The following CELSR1 variants were observed in gnomAD, a reference collection of about 807,000 sequenced individuals.
CELSR1 encodes the protein cadherin EGF LAG seven-pass G-type receptor 1, also known as adhesion G protein-coupled receptor C1.
Under a neutral mutation model 249.1 loss-of-function variants are expected in CELSR1, and 110 were observed. The observed-to-expected ratio is 0.44, with a 90% confidence interval of 0.38 to 0.52. The LOEUF is 0.52. CELSR1 is among the 20% of genes least tolerant of loss of function. The pLI, the probability that CELSR1 is intolerant of heterozygous loss-of-function variation, is 0.00. For missense variants in CELSR1, 4,109 were observed against 4,296.4 expected, an observed-to-expected ratio of 0.96 and a Z score of 1.22; for synonymous variants, 2,113 against 1,900.0, an observed-to-expected ratio of 1.11 and a Z score of -2.92.
Position 46,485,608 on chromosome 22 carries a change from T to C in CELSR1, c.3545-21263A>G, listed in dbSNP as rs1376090923. ...ATCTGGCTGGCTGAGCATCTCCAAA[T>C]TGCCGAGGAGCAAAAGCTCATCTCC... On this transcript the variant is annotated intron_variant, in intron 1 of 34. Coordinates refer to ENST00000674500, the MANE Select transcript of CELSR1 (RefSeq NM_001378328.1). Among the ~76,000 whole-genome samples the C allele has an allele frequency of 2.0e-5, 3 of 152,298 alleles. No homozygotes were observed. The East Asian group carries it at 5.8e-4, about 29-fold the overall frequency.
chr22:46,462,054 C>A (rs974436438), intron 2 of CELSR1, among the ~76,000 whole-genome samples: 1 of 152,254 alleles, frequency 6.6e-6, no homozygotes, highest in African/African-American at 2.4e-5. Flanking sequence ...CGTCCCCACC[C>A]CCAAACCCAA....
chr22:46,507,399 G>A (rs541689124), intron 1 of CELSR1, among the ~76,000 whole-genome samples: 1 of 152,030 alleles, frequency 6.6e-6, no homozygotes, highest in Non-Finnish European at 1.5e-5. Flanking sequence ...TTCAGCAGCC[G>A]AGGCAGGGGG....
intron 1 of CELSR1, among the ~76,000 whole-genome samples, chr22:46,475,405 G>A (rs867787687): frequency 1.3e-5 from 2 of 152,156 alleles, no homozygotes; most frequent in Non-Finnish European, 2.9e-5. Context: ...GCTTACGAGA[G>A]GTCCCGAGAA....
At position 46,429,700 on chromosome 22, in the gene CELSR1, G is replaced by A. The variant is rs1287738949; in HGVS notation, c.4611+3693C>T. ...TTGGCCAGTGGGGAGCCAGACGGGA[G>A]GATAGAGTGAGGGAGGGGAGGGGTG... On this transcript the variant is annotated intron_variant, in intron 5 of 34. Transcript: ENST00000674500. The surrounding 1 kb of genome is among the most constrained non-coding windows in gnomAD (Gnocchi z 4.1). Among the ~76,000 whole-genome samples the A allele has an allele frequency of 1.3e-5, 2 of 152,378 alleles. No homozygotes were observed. The highest frequency in any genetic ancestry group is 2.9e-5 in the Non-Finnish European group (2 of 68,036).
At chr22:46,525,672 T>C (rs542109903) in intron 1 of CELSR1, among the ~76,000 whole-genome samples, 1 of 152,332 alleles carries the variant, frequency 6.6e-6, no homozygotes, top group African/African-American at 2.4e-5. Context: ...TAATTCTGTT[T>C]GAATCCAAGT....
intron 1 of CELSR1, among the ~76,000 whole-genome samples, chr22:46,492,502 C>CTT (rs2080377030): frequency 6.6e-6 from 1 of 151,882 alleles, no homozygotes; most frequent in Non-Finnish European, 1.5e-5. Flanking sequence ...GTTATTCCCA[C>CTT]CTGGATATAT....
intron 2 of CELSR1, among the ~76,000 whole-genome samples, chr22:46,444,611 T>C (rs1337362544): frequency 6.6e-6 from 1 of 152,278 alleles, no homozygotes; most frequent in Non-Finnish European, 1.5e-5. Flanking sequence ...TTGTATTTGC[T>C]TTGCTTTTTG....
intron 27 of CELSR1, among the ~76,000 whole-genome samples, chr22:46,368,967 TCCTCCAGCC>T (rs2078819014): frequency 3.4e-5 from 5 of 147,364 alleles, no homozygotes; most frequent in African/African-American, 1.0e-4. Context: ...TCAGCTAACC[TCCTCCAGCC>T]CCCTCCCCTC....
intron 25 of CELSR1, among the ~76,000 whole-genome samples, chr22:46,371,100 C>T (rs2078846539): frequency 6.6e-6 from 1 of 152,222 alleles, no homozygotes; most frequent in Non-Finnish European, 1.5e-5. Context: ...CTCCCTGTCA[C>T]ATCAGGAAGT....
At position 46,381,935 on chromosome 22, in the gene CELSR1, A is replaced by G. The variant is rs1199565788; in HGVS notation, c.6999T>C (p.Ala2333=). 1.3e-6 allele frequency: 2 copies of G among 1,568,900 alleles called. No individual in the cohort carries two copies. Among genetic ancestry groups the G allele is most frequent in the African/African-American group, 2.7e-5 (2 of 73,872 alleles). The change falls in exon 21 of 35, where the codon GCT becomes GCC. Residue 2333 remains alanine (A), a synonymous_variant. Transcript: ENST00000674500. This position sits in a 1 kb window ranked among gnomAD's most constrained non-coding sequence, Gnocchi z 6.0. ...ISRRRRHPDD[A]GQFAVALVII... is the part of the protein sequence containing the mutation. ...TGACCAGAGCGACGGCGAACTGGCC[A>G]GCGTCATCAGGGTGTCGCCTCCGCC...
At chr22:46,443,606 C>T (rs1443638869) in intron 2 of CELSR1, among the ~76,000 whole-genome samples, 1 of 152,256 alleles carries the variant, frequency 6.6e-6, no homozygotes, top group African/African-American at 2.4e-5. Context: ...TAACCTTCCA[C>T]ATGTATTCAC....
intron 24 of CELSR1, 148 bp downstream of exon 24, chr22:46,376,913 A>G: frequency 1.3e-6 from 1 of 780,494 alleles, no homozygotes; most frequent in East Asian, 2.7e-5. Flanking sequence ...GCCTGTGACC[A>G]GGCACGTTCC....
Position 46,518,925 on chromosome 22 carries a change from C to T in CELSR1, c.3544+14702G>A, listed in dbSNP as rs1441139904. ...GCGCATGCCTGTAATCCCAGCTACT[C>T]GGGAGGCAGAGGCAGGAGAATCGCT... On this transcript the variant is annotated intron_variant, in intron 1 of 34. Coordinates refer to ENST00000674500, the MANE Select transcript of CELSR1 (RefSeq NM_001378328.1). This position sits in a 1 kb window ranked among gnomAD's most constrained non-coding sequence, Gnocchi z 5.2. 2.0e-5 allele frequency among the ~76,000 whole-genome samples: 3 copies of T among 151,924 alleles called. No homozygotes were observed. The highest frequency in any genetic ancestry group is 4.4e-5 in the Non-Finnish European group (3 of 67,978).
chr22:46,456,661 TAAAAAAA>T (rs556357746), intron 2 of CELSR1, among the ~76,000 whole-genome samples: 11 of 60,282 alleles, frequency 1.8e-4, no homozygotes, highest in Admixed American at 6.6e-4. Flanking sequence ...AGACTCTGTC[TAAAAAAA>T]AAAAAAAAAA....
rs535376260 is a variant in CELSR1 at position 46,367,077 on chromosome 22, C to T, written c.8121G>A (p.Glu2707=). The change falls in exon 29 of 35, where the codon GAG becomes GAA. Residue 2707 remains glutamate (E), a synonymous_variant. Transcript: ENST00000674500. ...VLLFHCVLNQ[E]VRKHLKGVLG... is the part of the protein sequence containing the mutation. ...GCACGCCCTTCAGGTGCTTCCGGAC[C>T]TCCTGGTTGAGCACGCAGTGGAAAA... 12 of 1,611,680 alleles carry T rather than the reference C, an allele frequency of 7.4e-6. No homozygotes were observed. The East Asian group carries it at 2.5e-4, about 33-fold the overall frequency.
intron 1 of CELSR1, among the ~76,000 whole-genome samples, chr22:46,532,123 C>T (rs1168936074): frequency 2.0e-5 from 3 of 152,256 alleles, no homozygotes; most frequent in African/African-American, 7.2e-5. Flanking sequence ...ACCACAGACA[C>T]ACAAAACATC....
chr22:46,376,868 T>C (rs1309117528), intron 24 of CELSR1, among the ~76,000 whole-genome samples, 193 bp downstream of exon 24: 5 of 150,894 alleles, frequency 3.3e-5, no homozygotes, highest in Non-Finnish European at 7.4e-5. Context: ...TCAAAGTGCT[T>C]GGGCCTGCCA....
Position 46,399,709 on chromosome 22 carries a change from C to A in CELSR1, c.5412+8G>T. The A allele has an allele frequency of 6.2e-7, 1 of 1,613,636 alleles. No homozygotes were observed. Among genetic ancestry groups the A allele is most frequent in the South Asian group, 1.1e-5 (1 of 91,038 alleles). Reference sequence around the variant, plus strand: ...CTATCCCCAGAGGAGGTGCAGGTGCCAGCTCACCTGGTCCATCCCATAGTC... The same window carrying A: ...CTATCCCCAGAGGAGGTGCAGGTGCAAGCTCACCTGGTCCATCCCATAGTC... On this transcript the variant is annotated splice_region_variant and intron_variant, in intron 10 of 34. Transcript: ENST00000674500. The surrounding 1 kb of genome is among the most constrained non-coding windows in gnomAD (Gnocchi z 5.0).
In CELSR1 at chr22:46,441,011, G is replaced by C. The variant is rs551309309; in HGVS notation, c.4184-1600C>G. On this transcript the variant is annotated intron_variant, in intron 2 of 34. Coordinates refer to ENST00000674500, the MANE Select transcript of CELSR1 (RefSeq NM_001378328.1). The surrounding 1 kb of genome is among the most constrained non-coding windows in gnomAD (Gnocchi z 6.1). ...CTACTAAAAATACAAAAATTAGCCA[G>C]GCGTGGTGGCGGGTGCCTGTAATCC... Among the ~76,000 whole-genome samples, 3 of 152,110 alleles carry C rather than the reference G, an allele frequency of 2.0e-5. No individual in the cohort carries two copies. Among genetic ancestry groups the C allele is most frequent in the Non-Finnish European group, 2.9e-5 (2 of 68,034 alleles).
Sources: allele counts gnomAD v4.1 joint callset (sites outside exome capture counted in the v4.1 genomes callset), GRCh38; gene constraint gnomAD v4.1.1; non-coding constraint Gnocchi (gnomAD v3.1); transcripts MANE v1.5; gene names NCBI Gene and HGNC (gene_info 2026-07-23, HGNC 2026-07-21).